The following TAB2 variants were observed in gnomAD, a reference collection of about 807,000 sequenced individuals.
The protein encoded by TAB2 is TGF-beta-activated kinase 1 and MAP3K7-binding protein 2.
A neutral mutation model predicts 65.0 loss-of-function variants in TAB2; 3 were observed. That is an observed-to-expected ratio of 0.05 (90% CI 0.02 to 0.12). The LOEUF is 0.12. Ranked by LOEUF, TAB2 falls within the 10% of genes least tolerant of loss-of-function variation. The pLI is 1.00. For synonymous variants in TAB2, 298 were observed against 285.1 expected, an observed-to-expected ratio of 1.05 and a Z score of -0.46; for missense variants, 623 against 840.3, an observed-to-expected ratio of 0.74 and a Z score of 3.20.
chr6:149,316,762 A>C (rs1779262536), upstream of TAB2, among the ~76,000 whole-genome samples: 1 of 152,198 alleles, frequency 6.6e-6, no homozygotes, highest in Non-Finnish European at 1.5e-5. Context: ...TTAAAATAAA[A>C]TCGAAACAAC....
At chr6:149,354,328 C>G (rs1474609293) in intron 1 of TAB2, among the ~76,000 whole-genome samples, 2 of 152,152 alleles carry the variant, frequency 1.3e-5, no homozygotes, top group Non-Finnish European at 2.9e-5. Flanking sequence ...ATTAAATATA[C>G]TTAATATGTT....
chr6:149,333,910 A>G (rs1033998976), intron 1 of TAB2, among the ~76,000 whole-genome samples: 4 of 152,168 alleles, frequency 2.6e-5, no homozygotes, highest in African/African-American at 9.7e-5. Flanking sequence ...GGAGCTGTAT[A>G]AAATAATTCT....
At chr6:149,336,210 G>C (rs1261769104) in intron 1 of TAB2, among the ~76,000 whole-genome samples, 1 of 152,154 alleles carries the variant, frequency 6.6e-6, no homozygotes, top group Non-Finnish European at 1.5e-5. Context: ...TGACTTTAGT[G>C]CTCCTTCCTT....
chr6:149,328,991 AG>A (rs1779702166), intron 1 of TAB2, among the ~76,000 whole-genome samples: 1 of 152,230 alleles, frequency 6.6e-6, no homozygotes, highest in Non-Finnish European at 1.5e-5. Context: ...AGATGGAGGT[AG>A]GAAAGTCCAC....
chr6:149,250,390 C>T (rs1253790129), intron 1 of TAB2, among the ~76,000 whole-genome samples: 1 of 152,074 alleles, frequency 6.6e-6, no homozygotes, highest in East Asian at 1.9e-4. Flanking sequence ...ACTGCAACCT[C>T]TGCCTCCCAG....
At chr6:149,342,779 A>G (rs1345591455) in intron 1 of TAB2, 4 of 152,228 alleles carry the variant, frequency 2.6e-5, no homozygotes, top group Non-Finnish European at 5.9e-5. Context: ...GTAAGCTGCA[A>G]AAATGGCAAT....
chr6:149,399,676 C>G (rs1695661518), intron 6 of TAB2, among the ~76,000 whole-genome samples: 1 of 152,070 alleles, frequency 6.6e-6, no homozygotes, highest in Admixed American at 6.6e-5. Context: ...TAAGACATTT[C>G]AAAGTATGTC....
At chr6:149,401,789 A>G (rs1195961902) in intron 6 of TAB2, among the ~76,000 whole-genome samples, 1 of 152,208 alleles carries the variant, frequency 6.6e-6, no homozygotes, top group Non-Finnish European at 1.5e-5. Flanking sequence ...CCACAGTGGA[A>G]TAAAACTAGA....
intron 1 of TAB2, among the ~76,000 whole-genome samples, chr6:149,359,420 T>C (rs962328370): frequency 1.3e-5 from 2 of 152,178 alleles, no homozygotes; most frequent in African/African-American, 4.8e-5. Context: ...GTGTCTTTAA[T>C]TTTGTAAGGG....
At chr6:149,399,462 T>C (rs183587226) in intron 6 of TAB2, among the ~76,000 whole-genome samples, 85 of 152,212 alleles carry the variant, frequency 5.6e-4, no homozygotes, top group Admixed American at 1.6e-3. Context: ...AAAAAACAAT[T>C]ACTAAGTACA....
intron 1 of TAB2, among the ~76,000 whole-genome samples, chr6:149,333,708 A>AGTGTGTGTGTGT (rs61004397): frequency 3.7e-4 from 54 of 144,896 alleles, no homozygotes; most frequent in African/African-American, 9.2e-4. Flanking sequence ...CCAGATCCAT[A>AGTGTGTGTGTGT]GTGTGTGTGT....
chr6:149,383,223 T>TA (rs1202743654), intron 3 of TAB2, among the ~76,000 whole-genome samples: 1 of 151,446 alleles, frequency 6.6e-6, no homozygotes, highest in African/African-American at 2.4e-5. Context: ...TGGATAGAAG[T>TA]AGAGAGCACT....
intron 3 of TAB2, among the ~76,000 whole-genome samples, chr6:149,381,826 G>A (rs1167175283): frequency 6.6e-6 from 1 of 151,968 alleles, no homozygotes; most frequent in Non-Finnish European, 1.5e-5. Flanking sequence ...GCCTGTCTCA[G>A]TCTCCCAAAG....
intron 1 of TAB2, chr6:149,342,813 TTTGAATTTTTCTATTTCCAGGTATG>T (rs959820445): frequency 2.6e-5 from 4 of 152,210 alleles, no homozygotes; most frequent in African/African-American, 9.6e-5. Context: ...ACAGCTACAA[TTTGAATTTTTCTATTTCCAGGTATG>T]CTAAAGTCCA....
chr6:149,344,331 T>C (rs1452549472), intron 1 of TAB2, among the ~76,000 whole-genome samples: 2 of 152,164 alleles, frequency 1.3e-5, no homozygotes, highest in Non-Finnish European at 2.9e-5. Flanking sequence ...AACCTTGTTT[T>C]AGTGAGCTTA....
intron 1 of TAB2, among the ~76,000 whole-genome samples, chr6:149,356,057 AT>A (rs1308465427): frequency 6.6e-6 from 1 of 152,192 alleles, no homozygotes; most frequent in Admixed American, 6.5e-5. Flanking sequence ...TTTCAAGTAG[AT>A]TTCTTAAAAT....
At chr6:149,237,467 A>C (rs77827769) in intron 1 of TAB2, among the ~76,000 whole-genome samples, 5,050 of 152,218 alleles carry the variant, frequency 0.033, 273 homozygotes, top group African/African-American at 0.11. Flanking sequence ...CAGGTGCACC[A>C]TCTACTATGC....
intron 1 of TAB2, among the ~76,000 whole-genome samples, chr6:149,340,524 C>T (rs528826103): frequency 6.6e-6 from 1 of 152,014 alleles, no homozygotes; most frequent in South Asian, 2.1e-4. Flanking sequence ...TTGTAAATAA[C>T]GTTGTATACC....
intron 1 of TAB2, among the ~76,000 whole-genome samples, chr6:149,339,597 A>ATTT (rs1160637055): frequency 2.8e-5 from 1 of 35,748 alleles, no homozygotes; most frequent in African/African-American, 4.8e-5. Flanking sequence ...TTATTTATTT[A>ATTT]TTTATTTATT....
Sources: gnomAD v4.1 joint callset for allele counts (sites outside exome capture counted in the v4.1 genomes callset) on GRCh38, gnomAD v4.1.1 for gene constraint, MANE v1.5 for transcripts, NCBI Gene and HGNC (gene_info 2026-07-23, HGNC 2026-07-21) for gene names.